The following PINX1 variants were observed in gnomAD, a reference collection of about 807,000 sequenced individuals.
PINX1 encodes PIN2/TERF1-interacting telomerase inhibitor 1.
In PINX1, 34 loss-of-function variants were observed where a neutral mutation model predicts 25.4. The observed-to-expected ratio is 1.34, with a 90% confidence interval of 1.02 to 1.78. The LOEUF (loss-of-function observed/expected upper bound fraction) is 1.78. Ranked by LOEUF, PINX1 falls within the 40% of genes most tolerant of loss-of-function variation. The pLI, the probability that PINX1 is intolerant of heterozygous loss-of-function variation, is 0.00. For synonymous variants in PINX1, 197 were observed against 147.7 expected (o/e 1.33, Z -2.42); for missense variants, 592 against 404.9 (o/e 1.46, Z -3.97).
intron 6 of PINX1, among the ~76,000 whole-genome samples, chr8:10,790,635 T>G (rs951143245): frequency 3.3e-5 from 5 of 152,168 alleles, no homozygotes; most frequent in Non-Finnish European, 5.9e-5. Context: ...TCTTTGGGTC[T>G]TGCCACCACT....
At chr8:10,769,494 G>C (rs755295345) in intron 6 of PINX1, among the ~76,000 whole-genome samples, 3 of 152,182 alleles carry the variant, frequency 2.0e-5, no homozygotes, top group Non-Finnish European at 4.4e-5. Flanking sequence ...CCAGTTCACA[G>C]AGCCCTGAGA....
chr8:10,773,495 G>A (rs1801294315), intron 6 of PINX1, among the ~76,000 whole-genome samples: 1 of 152,186 alleles, frequency 6.6e-6, no homozygotes, highest in Non-Finnish European at 1.5e-5. Context: ...TCAGAACTCC[G>A]CTTGGAAGTT....
At chr8:10,820,385 T>G in intron 5 of PINX1, 116 bp from the exon 6 acceptor site, 2 of 729,806 alleles carry the variant, frequency 2.7e-6, no homozygotes, top group South Asian at 3.0e-5. Context: ...AAGAAACAAT[T>G]TTGAAACTAC....
At chr8:10,778,204 T>TTA (rs1440431704) in intron 6 of PINX1, among the ~76,000 whole-genome samples, 1 of 152,116 alleles carries the variant, frequency 6.6e-6, no homozygotes. Context: ...ATGGACTCAG[T>TTA]TATTGATAAT....
intron 6 of PINX1, among the ~76,000 whole-genome samples, chr8:10,809,390 G>A (rs922915793): frequency 2.7e-4 from 41 of 152,216 alleles, no homozygotes; most frequent in African/African-American, 8.9e-4. Context: ...ACCACTGACA[G>A]AACAGGCCCC....
chr8:10,827,888 G>A (rs1306322226), intron 4 of PINX1, among the ~76,000 whole-genome samples: 2 of 142,858 alleles, frequency 1.4e-5, no homozygotes, highest in Admixed American at 1.4e-4. Flanking sequence ...TCCAGCCTGG[G>A]TGACAGAGCG....
chr8:10,767,366 T>C (rs1390388070), intron 6 of PINX1, among the ~76,000 whole-genome samples: 1 of 152,152 alleles, frequency 6.6e-6, no homozygotes, highest in African/African-American at 2.4e-5. Flanking sequence ...AATTGGGCCT[T>C]CAGTGGCAAG....
At chr8:10,774,335 G>A (rs542719843) in intron 6 of PINX1, among the ~76,000 whole-genome samples, 1 of 150,760 alleles carries the variant, frequency 6.6e-6, no homozygotes, top group African/African-American at 2.4e-5. Context: ...AGGCTGGAAT[G>A]CAATGGCACA....
At chr8:10,828,637 T>A (rs1296539752) in intron 4 of PINX1, among the ~76,000 whole-genome samples, 1 of 152,188 alleles carries the variant, frequency 6.6e-6, no homozygotes, top group Non-Finnish European at 1.5e-5. Context: ...CTTCTCAGCA[T>A]GCAGGTATCA....
At chr8:10,804,483 G>T (rs756782244) in intron 6 of PINX1, among the ~76,000 whole-genome samples, 2 of 152,144 alleles carry the variant, frequency 1.3e-5, no homozygotes, top group African/African-American at 2.4e-5. Flanking sequence ...GGTCTGGTGT[G>T]TGTGTTAAGG....
In PINX1 at chr8:10,799,975, A is replaced by C. The variant is rs372716419; in HGVS notation, c.471+20218T>G. 5.9e-4 allele frequency among the ~76,000 whole-genome samples: 90 copies of C among 152,340 alleles called. 3 individuals carry two copies. The South Asian group carries it at 0.017, about 29-fold the overall frequency. Reference sequence around the variant, plus strand: ...GGCTCAGAAAGGTTAAATTCCTGCCAAAGGTCATATGACTCACAAGGGCAG... The same window carrying C: ...GGCTCAGAAAGGTTAAATTCCTGCCCAAGGTCATATGACTCACAAGGGCAG... On this transcript the variant is annotated intron_variant, in intron 6 of 6. Coordinates refer to ENST00000314787, the MANE Select transcript of PINX1 (RefSeq NM_017884.6).
At chr8:10,776,544 T>A (rs1022351048) in intron 6 of PINX1, among the ~76,000 whole-genome samples, 11 of 152,200 alleles carry the variant, frequency 7.2e-5, no homozygotes, top group Non-Finnish European at 1.5e-4. Context: ...TGTCAGCAAT[T>A]GGCTGTCAGA....
rs1242893814 is a variant in PINX1 at position 10,775,408 on chromosome 8, T to TG, written c.472-9493dup. 7.2e-4 allele frequency among the ~76,000 whole-genome samples: 63 copies of TG among 87,482 alleles called. 7 individuals are homozygous for TG. The highest frequency in any genetic ancestry group is 1.3e-3 in the African/African-American group (25 of 18,838). The allele number at this position is 87,482 out of a possible 152,430, so 57.4% of individuals were successfully genotyped here. A position where few individuals can be genotyped will look rare whatever the true frequency, so the allele number is the denominator to read the frequency against. On this transcript the variant is annotated intron_variant, in intron 6 of 6. Coordinates refer to ENST00000314787, the MANE Select transcript of PINX1 (RefSeq NM_017884.6). The stretch of plus-strand genomic sequence containing the variant: ...TAAAGGATTAGTTCTGTCTGTTTTG[T>TG]GGTTTTTTTTTTTTTTTTTTTTTTT...
At chr8:10,767,111 C>T (rs949969971) in intron 6 of PINX1, among the ~76,000 whole-genome samples, 2 of 152,134 alleles carry the variant, frequency 1.3e-5, no homozygotes, top group Non-Finnish European at 2.9e-5. Flanking sequence ...GGGTGTTCTA[C>T]GCTTTCATGA....
chr8:10,773,912 G>A (rs913570273), intron 6 of PINX1, among the ~76,000 whole-genome samples: 5 of 152,212 alleles, frequency 3.3e-5, no homozygotes, highest in Admixed American at 3.3e-4. Context: ...CACTGGCCAT[G>A]GAAGATAAAC....
At chr8:10,772,554 A>G (rs1801259681) in intron 6 of PINX1, among the ~76,000 whole-genome samples, 1 of 152,248 alleles carries the variant, frequency 6.6e-6, no homozygotes, top group African/African-American at 2.4e-5. Context: ...ACATTTTTCA[A>G]GACATTCATC....
intron 6 of PINX1, among the ~76,000 whole-genome samples, chr8:10,806,318 G>A (rs921346950): frequency 2.0e-5 from 3 of 152,194 alleles, no homozygotes; most frequent in African/African-American, 4.8e-5. Context: ...ATGGACGCAC[G>A]TGTGGGGGAG....
chr8:10,770,722 T>C (rs1357458312), intron 6 of PINX1, among the ~76,000 whole-genome samples: 1 of 152,172 alleles, frequency 6.6e-6, no homozygotes, highest in African/African-American at 2.4e-5. Flanking sequence ...GAGACCTTAG[T>C]GAAGTGCCAG....
chr8:10,820,241 T>C lies in PINX1; in HGVS notation c.423A>G (p.Thr141=), dbSNP rs1586193478. Residue 141 remains threonine (T), a synonymous_variant, in exon 6 of 7, where the codon ACA becomes ACG. Transcript: ENST00000314787. ...TTTTCCCAAAAATGCAGTCAAGATC[T>C]GTTTTGCTCCGAGATGACAGATCCT... The part of the protein sequence containing the change: ...KGKDLSSRSK[T]DLDCIFGKRQ... 1 of 1,612,662 alleles carries C rather than the reference T, an allele frequency of 6.2e-7. No individual in the cohort carries two copies. Among genetic ancestry groups the C allele is most frequent in the African/African-American group, 1.3e-5 (1 of 74,904 alleles).
Sources: gnomAD v4.1 joint callset for allele counts (sites outside exome capture counted in the v4.1 genomes callset) on GRCh38, gnomAD v4.1.1 for gene constraint, MANE v1.5 for transcripts, NCBI Gene and HGNC (gene_info 2026-07-23, HGNC 2026-07-21) for gene names.